Variants in FAT3 observed in about 807,000 individuals in gnomAD.
The protein encoded by FAT3 is protocadherin Fat 3.
A neutral mutation model predicts 310.2 loss-of-function variants in FAT3; 95 were observed. That is an observed-to-expected ratio of 0.31 (90% CI 0.26 to 0.36). FAT3 has a LOEUF of 0.36. Ranked by LOEUF, FAT3 falls within the 10% of genes least tolerant of loss-of-function variation. The pLI is 1.00. For synonymous variants in FAT3, 2,314 were observed against 2,192.9 expected (o/e 1.06, Z -1.54); for missense variants, 5,408 against 5,715.6 (o/e 0.95, Z 1.74).
intron 3 of FAT3, among the ~76,000 whole-genome samples, chr11:92,696,514 ATGATTTTTCTC>A (rs1244777325): frequency 1.3e-5 from 2 of 152,136 alleles, no homozygotes; most frequent in Non-Finnish European, 2.9e-5. Context: ...CGCTTTTCAT[ATGATTTTTCTC>A]TGTTCCTCCA....
chr11:92,825,567 TG>T (rs1411041378), intron 13 of FAT3, among the ~76,000 whole-genome samples: 1 of 151,698 alleles, frequency 6.6e-6, no homozygotes, highest in Non-Finnish European at 1.5e-5. Flanking sequence ...AGGAGATGTG[TG>T]GGGGGCCTTC....
intron 3 of FAT3, among the ~76,000 whole-genome samples, chr11:92,621,715 G>C (rs557949886): frequency 6.6e-6 from 1 of 152,308 alleles, no homozygotes; most frequent in African/African-American, 2.4e-5. Flanking sequence ...TTCTTTGAAT[G>C]TTGTGATTCC....
chr11:92,789,435 G>A (rs75908690), intron 7 of FAT3, among the ~76,000 whole-genome samples: 2,048 of 152,046 alleles, frequency 0.013, 23 homozygotes, highest in Middle Eastern at 0.041. Flanking sequence ...TTCTTTGCTG[G>A]ACCCCTACTA....
chr11:92,768,178 G>A (rs1037465368), intron 6 of FAT3, among the ~76,000 whole-genome samples: 11 of 152,160 alleles, frequency 7.2e-5, no homozygotes, highest in Non-Finnish European at 1.3e-4. Flanking sequence ...CAGTGCACTT[G>A]TAGGTCTCTG....
intron 10 of FAT3, among the ~76,000 whole-genome samples, chr11:92,803,809 G>C (rs1227401426): frequency 6.6e-6 from 1 of 152,212 alleles, no homozygotes; most frequent in African/African-American, 2.4e-5. Flanking sequence ...GTTGTCCCCA[G>C]TTGAGAACCA....
chr11:92,790,912 G>T (rs531348691), intron 8 of FAT3, among the ~76,000 whole-genome samples: 1 of 152,278 alleles, frequency 6.6e-6, no homozygotes, highest in East Asian at 1.9e-4. Context: ...CTGCGGCATT[G>T]CACAGCCACT....
At position 92,812,559 on chromosome 11, in the gene FAT3, G is replaced by A. The variant is rs567488307; in HGVS notation, c.9481+2483G>A. On this transcript the variant is annotated intron_variant, in intron 13 of 27. Transcript: ENST00000525166. ...ATTGTGCCAGTGCACTCCAGCCTGG[G>A]CAACAGAGCAAGACTCCATCTCAAA... Among the ~76,000 whole-genome samples the A allele has an allele frequency of 5.3e-5, 8 of 150,278 alleles. No individual in the cohort carries two copies. The East Asian group carries it at 1.4e-3, about 26-fold the overall frequency.
intron 7 of FAT3, among the ~76,000 whole-genome samples, chr11:92,781,491 A>G (rs1460415571): frequency 6.6e-6 from 1 of 152,202 alleles, no homozygotes; most frequent in Non-Finnish European, 1.5e-5. Flanking sequence ...AGGTATACAT[A>G]GGTAAAGAGA....
Position 92,225,234 on chromosome 11 carries a change from T to A in FAT3, c.-18+60T>A, listed in dbSNP as rs377532711. On this transcript the variant is annotated intron_variant, in intron 1 of 27. Coordinates refer to ENST00000525166, the MANE Select transcript of FAT3 (RefSeq NM_001367949.2). ...CCTGGTGCACCGACTGGAGCGCGCC[T>A]GCCGGAGCACAGCCTCAGCTGCTGG... 9.9e-5 allele frequency among the ~76,000 whole-genome samples: 15 copies of A among 152,268 alleles called. No homozygotes were observed. The East Asian group carries it at 2.5e-3, about 26-fold the overall frequency.
At chr11:92,427,962 C>T (rs551989952) in intron 2 of FAT3, among the ~76,000 whole-genome samples, 121 of 152,112 alleles carry the variant, frequency 8.0e-4, no homozygotes, top group African/African-American at 2.8e-3. Context: ...CCTCTTTGTA[C>T]CTCTGGTAGA....
intron 2 of FAT3, among the ~76,000 whole-genome samples, chr11:92,467,598 C>G (rs1951799049): frequency 6.6e-6 from 1 of 152,092 alleles, no homozygotes; most frequent in Non-Finnish European, 1.5e-5. Flanking sequence ...GGGCTTATTA[C>G]TCACAATTTT....
intron 3 of FAT3, among the ~76,000 whole-genome samples, chr11:92,608,753 C>T (rs1269774390): frequency 1.5e-5 from 1 of 67,318 alleles, no homozygotes; most frequent in Non-Finnish European, 3.1e-5. Flanking sequence ...ATACTCCTCA[C>T]ATGCAACACA....
intron 1 of FAT3, among the ~76,000 whole-genome samples, chr11:92,258,384 A>G (rs1265149246): frequency 6.6e-6 from 1 of 152,148 alleles, no homozygotes; most frequent in African/African-American, 2.4e-5. Flanking sequence ...AAGTGCTGTC[A>G]TATTCAAACA....
chr11:92,754,718 A>T (rs1481064897), intron 4 of FAT3, among the ~76,000 whole-genome samples: 1 of 142,334 alleles, frequency 7.0e-6, no homozygotes, highest in Admixed American at 6.9e-5. Context: ...AAAAAAAAAA[A>T]TTAGCTGGGC....
At chr11:92,473,675 A>C (rs2135160268) in intron 2 of FAT3, among the ~76,000 whole-genome samples, 1 of 152,322 alleles carries the variant, frequency 6.6e-6, no homozygotes, top group South Asian at 2.1e-4. Flanking sequence ...GACTTAAGTT[A>C]AATACCAACT....
chr11:92,655,434 C>G (rs964309895), intron 3 of FAT3, among the ~76,000 whole-genome samples: 2 of 152,188 alleles, frequency 1.3e-5, no homozygotes, highest in African/African-American at 2.4e-5. Flanking sequence ...GGACAAATCA[C>G]TTAATTCCTC....
intron 2 of FAT3, among the ~76,000 whole-genome samples, chr11:92,363,182 TTTTA>T (rs1015998995): frequency 2.1e-4 from 32 of 152,204 alleles, no homozygotes; most frequent in Admixed American, 2.0e-3. Context: ...ATTGAGTAGC[TTTTA>T]TTTATTTAGT....
intron 2 of FAT3, among the ~76,000 whole-genome samples, chr11:92,378,361 A>T (rs1385148807): frequency 6.6e-6 from 1 of 152,236 alleles, no homozygotes; most frequent in South Asian, 2.1e-4. Context: ...TATCATCGAG[A>T]TAGTTATAAT....
At chr11:92,519,294 G>C (rs1953604795) in intron 2 of FAT3, among the ~76,000 whole-genome samples, 1 of 152,058 alleles carries the variant, frequency 6.6e-6, no homozygotes, top group South Asian at 2.1e-4. Context: ...AGTGGAAAAA[G>C]AAGAGTCTTT....
Sources: allele counts gnomAD v4.1 joint callset (sites outside exome capture counted in the v4.1 genomes callset), GRCh38; gene constraint gnomAD v4.1.1; transcripts MANE v1.5; gene names NCBI Gene and HGNC (gene_info 2026-07-23, HGNC 2026-07-21).